GALNT14: variants seen among roughly 807,000 people sequenced by gnomAD.
GALNT14 encodes UDP-GalNAc:polypeptide N-acetylgalactosaminyltransferase 14.
Under a neutral mutation model 77.5 loss-of-function variants are expected in GALNT14, and 60 were observed. The observed-to-expected ratio is 0.77, with a 90% CI of 0.63 to 0.96. GALNT14 has a LOEUF of 0.96. GALNT14 is among the 40% of genes least tolerant of loss of function. The probability of loss-of-function intolerance (pLI) is 0.00; values close to 1 mark genes in which losing one functional copy is unlikely to be tolerated. For missense variants in GALNT14, 710 were observed against 731.0 expected (o/e 0.97, Z 0.33); for synonymous variants, 280 against 281.7 (o/e 0.99, Z 0.06).
intron 1 of GALNT14, among the ~76,000 whole-genome samples, chr2:31,055,074 T>C (rs1183239589): frequency 6.6e-6 from 1 of 152,182 alleles, no homozygotes; most frequent in Non-Finnish European, 1.5e-5. Context: ...AGGATGTGAC[T>C]AGGCCATAAA....
chr2:31,103,801 C>T (rs1278666543), intron 1 of GALNT14, among the ~76,000 whole-genome samples: 1 of 152,078 alleles, frequency 6.6e-6, no homozygotes, highest in Admixed American at 6.6e-5. Context: ...TCTTCTAATC[C>T]TCATACTTGT....
chr2:30,917,445 G>A (rs1317003193), intron 13 of GALNT14, among the ~76,000 whole-genome samples: 2 of 152,184 alleles, frequency 1.3e-5, no homozygotes, highest in Non-Finnish European at 2.9e-5. Flanking sequence ...GCAGGTGGCA[G>A]GCCTGTATCT....
intron 8 of GALNT14, among the ~76,000 whole-genome samples, chr2:30,943,288 C>T (rs1016202360): frequency 6.6e-6 from 1 of 152,164 alleles, no homozygotes; most frequent in African/African-American, 2.4e-5. Flanking sequence ...AAGGGGCTAC[C>T]AAGGAAGGCA....
At chr2:30,955,777 T>G (rs766792685) in intron 5 of GALNT14, 38 bp from the exon 6 acceptor site, 8 of 1,612,876 alleles carry the variant, frequency 5.0e-6, no homozygotes, top group Non-Finnish European at 6.8e-6. Context: ...GGTGCCACTG[T>G]CACTCCATTG....
chr2:30,969,410 G>A (rs1252388510), intron 2 of GALNT14, among the ~76,000 whole-genome samples: 2 of 152,202 alleles, frequency 1.3e-5, no homozygotes, highest in African/African-American at 4.8e-5. Flanking sequence ...AAGTTACTCA[G>A]GGGCAAGTTG....
intron 6 of GALNT14, among the ~76,000 whole-genome samples, chr2:30,952,781 T>C (rs1667108320): frequency 1.3e-5 from 2 of 152,090 alleles, no homozygotes; most frequent in Admixed American, 6.5e-5. Context: ...AAAAAGAATT[T>C]TGGTTGATTC....
chr2:30,954,855 TG>T (rs1241817130), intron 6 of GALNT14, among the ~76,000 whole-genome samples: 1 of 152,160 alleles, frequency 6.6e-6, no homozygotes, highest in East Asian at 1.9e-4. Context: ...TTTAGTGAAG[TG>T]GGTATATTAA....
At chr2:31,035,690 C>G (rs1297534580) in intron 1 of GALNT14, among the ~76,000 whole-genome samples, 1 of 149,756 alleles carries the variant, frequency 6.7e-6, no homozygotes, top group Non-Finnish European at 1.5e-5. Flanking sequence ...AAAAAAGAAT[C>G]AGATCATGTC....
At chr2:31,017,200 G>A (rs1671422508) in intron 1 of GALNT14, among the ~76,000 whole-genome samples, 1 of 152,104 alleles carries the variant, frequency 6.6e-6, no homozygotes, top group Non-Finnish European at 1.5e-5. Flanking sequence ...CATGTCCATG[G>A]CCTTCAACAG....
At chr2:31,084,346 G>A (rs1268585178) in intron 1 of GALNT14, among the ~76,000 whole-genome samples, 1 of 152,198 alleles carries the variant, frequency 6.6e-6, no homozygotes, top group African/African-American at 2.4e-5. Context: ...GAAGACATGG[G>A]TCAGGACAGG....
At chr2:30,918,334 C>T (rs2148214015) in intron 13 of GALNT14, among the ~76,000 whole-genome samples, 1 of 152,322 alleles carries the variant, frequency 6.6e-6, no homozygotes, top group South Asian at 2.1e-4. Context: ...GAGCGAGTTA[C>T]TCAACTCTGT....
intron 1 of GALNT14, among the ~76,000 whole-genome samples, chr2:31,009,350 A>C (rs1381600801): frequency 6.6e-5 from 10 of 152,064 alleles, no homozygotes; most frequent in African/African-American, 2.4e-4. Flanking sequence ...GTTTCAGAAT[A>C]CTTTCTCCTG....
intron 1 of GALNT14, among the ~76,000 whole-genome samples, chr2:31,021,759 C>G (rs1671734530): frequency 1.3e-5 from 2 of 152,218 alleles, no homozygotes; most frequent in Admixed American, 6.5e-5. Flanking sequence ...TATTTACAAT[C>G]TAGCCCTTTA....
intron 6 of GALNT14, 33 bp downstream of exon 6, chr2:30,955,585 C>G: frequency 6.2e-7 from 1 of 1,604,162 alleles, no homozygotes; most frequent in Non-Finnish European, 8.5e-7. Context: ...AGCTGGGGCA[C>G]GAGGCCCGGC....
intron 1 of GALNT14, among the ~76,000 whole-genome samples, chr2:31,051,429 G>T (rs1271604261): frequency 6.6e-6 from 1 of 152,194 alleles, no homozygotes; most frequent in Admixed American, 6.5e-5. Context: ...GTTTCCCAAA[G>T]AAGGAAAATT....
At chr2:31,113,275 C>T (rs550334963) in intron 1 of GALNT14, among the ~76,000 whole-genome samples, 1 of 152,306 alleles carries the variant, frequency 6.6e-6, no homozygotes, top group East Asian at 1.9e-4. Context: ...GAGAGCAGCA[C>T]ACAGGTGTGG....
chr2:30,984,280 A>T (rs1669162665), intron 2 of GALNT14, among the ~76,000 whole-genome samples: 1 of 152,214 alleles, frequency 6.6e-6, no homozygotes, highest in African/African-American at 2.4e-5. Flanking sequence ...CTCCCGGGCC[A>T]GCAGCCTGTT....
chr2:31,097,059 G>T lies in GALNT14; in HGVS notation c.129+40899C>A, dbSNP rs569442516. Among the ~76,000 whole-genome samples, 5 of 152,240 alleles carry T rather than the reference G, an allele frequency of 3.3e-5. No homozygotes were observed. The South Asian group carries it at 1.0e-3, about 32-fold the overall frequency. On this transcript the variant is annotated intron_variant, in intron 1 of 14. Transcript: ENST00000349752. ...GAAAAACAGTCATGAGCCTCTAGCT[G>T]GGGAAGAGGGAGAGGGTCTCTGTAT... is the stretch of plus-strand genomic sequence containing the variant.
chr2:30,942,399 A>C (rs1666429757), intron 8 of GALNT14, 95 bp from the exon 9 acceptor site: 2 of 877,038 alleles, frequency 2.3e-6, no homozygotes, highest in Admixed American at 4.3e-5. Flanking sequence ...CCCATTTCCC[A>C]TTTGGGGAAA....
Sources: gnomAD v4.1 joint callset for allele counts (sites outside exome capture counted in the v4.1 genomes callset) on GRCh38, gnomAD v4.1.1 for gene constraint, MANE v1.5 for transcripts, NCBI Gene and HGNC (gene_info 2026-07-23, HGNC 2026-07-21) for gene names.